MAML3: variants seen among roughly 807,000 people sequenced by gnomAD.
The protein encoded by MAML3 is mastermind-like protein 3.
Under a neutral mutation model 101.9 loss-of-function variants are expected in MAML3, and 27 were observed. The observed-to-expected ratio is 0.27, with a 90% CI of 0.20 to 0.37. The LOEUF (loss-of-function observed/expected upper bound fraction) is 0.37, where lower values mean the gene tolerates loss of function less well. Ranked by LOEUF, MAML3 falls within the 10% of genes least tolerant of loss-of-function variation. MAML3 has a pLI of 1.00. For synonymous variants in MAML3, 501 were observed against 555.9 expected, an observed-to-expected ratio of 0.90 and a Z score of 1.39; for missense variants, 1,316 against 1,444.9, an observed-to-expected ratio of 0.91 and a Z score of 1.45.
rs1035607851 is a variant in MAML3 at position 139,785,103 on chromosome 4, C to A, written c.2080-54436G>T. On this transcript the variant is annotated intron_variant, in intron 2 of 4. Transcript: ENST00000509479. The surrounding 1 kb of genome is among the most constrained non-coding windows in gnomAD (Gnocchi z 4.3). ...CTTACATTTGTACAAAAGAAGAAGG[C>A]GGCTAGCTTGGACACAAACACTCAT... Among the ~76,000 whole-genome samples, 1 of 152,122 alleles carries A rather than the reference C, an allele frequency of 6.6e-6. No homozygotes were observed. The highest frequency in any genetic ancestry group is 1.9e-4 in the East Asian group (1 of 5,194).
intron 2 of MAML3, among the ~76,000 whole-genome samples, chr4:139,758,186 A>G (rs1729689885): frequency 6.6e-6 from 1 of 152,134 alleles, no homozygotes; most frequent in South Asian, 2.1e-4. Context: ...CTGACCCTCC[A>G]CAGGTCAACT....
intron 1 of MAML3, among the ~76,000 whole-genome samples, chr4:140,148,470 A>C (rs1368078400): frequency 6.6e-6 from 1 of 152,252 alleles, no homozygotes; most frequent in African/African-American, 2.4e-5. Context: ...AATTTCAAAA[A>C]GTTTTCCACA....
At chr4:139,782,085 C>T (rs1730227196) in intron 2 of MAML3, among the ~76,000 whole-genome samples, 1 of 152,058 alleles carries the variant, frequency 6.6e-6, no homozygotes, top group African/African-American at 2.4e-5. Flanking sequence ...GATTTATATG[C>T]CCATCCCGTA....
intron 2 of MAML3, among the ~76,000 whole-genome samples, chr4:139,747,416 G>A (rs866954393): frequency 3.9e-5 from 6 of 152,294 alleles, no homozygotes; most frequent in East Asian, 1.9e-4. Flanking sequence ...CTTGTAGGTC[G>A]GGCACAGTGG....
chr4:139,890,923 T>C lies in MAML3; in HGVS notation c.513A>G (p.Pro171=), dbSNP rs370448750. The change falls in exon 2 of 5, where the codon CCA becomes CCG. Residue 171 remains proline (P), a synonymous_variant. Transcript: ENST00000509479. The surrounding 1 kb of genome is among the most constrained non-coding windows in gnomAD (Gnocchi z 4.1). ...CACCATTCTGCTGGTCTCCATTAAGTGGTGATCGAGCTCCTTCCAACTTCC... is the reference window on the plus strand; with the variant it reads ...CACCATTCTGCTGGTCTCCATTAAGCGGTGATCGAGCTCCTTCCAACTTCC... ...VKRKLEGARS[P]LNGDQQNGAC... 3.9e-4 allele frequency: 633 copies of C among 1,613,478 alleles called. No individual in the cohort carries two copies. Among genetic ancestry groups the C allele is most frequent in the South Asian group, 1.9e-3 (174 of 90,976 alleles).
intron 1 of MAML3, among the ~76,000 whole-genome samples, chr4:140,087,700 T>C (rs930771124): frequency 6.6e-6 from 1 of 152,198 alleles, no homozygotes; most frequent in Non-Finnish European, 1.5e-5. Flanking sequence ...TTTCAGCTCC[T>C]AATGAGGGTG....
chr4:139,780,667 G>GTCACC (rs1730184262), intron 2 of MAML3, among the ~76,000 whole-genome samples: 1 of 137,468 alleles, frequency 7.3e-6, no homozygotes, highest in Admixed American at 8.0e-5. Flanking sequence ...CTCTTGCTCT[G>GTCACC]TCACCCAGGC....
At chr4:139,733,885 C>A (rs1728823436) in intron 2 of MAML3, among the ~76,000 whole-genome samples, 1 of 152,158 alleles carries the variant, frequency 6.6e-6, no homozygotes, top group African/African-American at 2.4e-5. Flanking sequence ...TGGGTTGTTG[C>A]CCATCTGTGT....
intron 1 of MAML3, among the ~76,000 whole-genome samples, chr4:140,096,366 T>C (rs548836643): frequency 2.6e-5 from 4 of 152,284 alleles, no homozygotes; most frequent in African/African-American, 7.2e-5. Context: ...CTCATTTATC[T>C]TGAAACCTTA....
At position 139,730,481 on chromosome 4, in the gene MAML3, G is replaced by T. The variant is rs913915195; in HGVS notation, c.2266C>A (p.Gln756Lys). The T allele has an allele frequency of 6.4e-6, 10 of 1,553,190 alleles. No individual in the cohort carries two copies. The highest frequency in any genetic ancestry group is 8.7e-6 in the Non-Finnish European group (10 of 1,147,848). Reference protein sequence around the residue: ...QRAQLIEQQKQQFLREQRQQQ... With the variant: ...QRAQLIEQQKKQFLREQRQQQ... ...TGCCTTTGCTCCCGCAGGAACTGTT[G>T]CTTCTGCTGCTCTATCAACTGGGCC... The change falls in exon 3 of 5, where the codon CAA becomes AAA. Residue 756 changes from glutamine (Q) to lysine (K), a missense_variant. Gln to Lys is a moderately conservative substitution (Grantham distance 53). Coordinates refer to ENST00000509479, the MANE Select transcript of MAML3 (RefSeq NM_018717.5).
chr4:140,142,471 C>A (rs1578706819), intron 1 of MAML3, among the ~76,000 whole-genome samples: 1 of 152,126 alleles, frequency 6.6e-6, no homozygotes, highest in Non-Finnish European at 1.5e-5. Context: ...AGTCCCTGTC[C>A]CTCTCCAATG....
chr4:139,861,634 C>A (rs1731787878), intron 2 of MAML3, among the ~76,000 whole-genome samples: 1 of 151,984 alleles, frequency 6.6e-6, no homozygotes, highest in Non-Finnish European at 1.5e-5. Flanking sequence ...AAAGGTGGAC[C>A]TTTATTTTGA....
intron 2 of MAML3, among the ~76,000 whole-genome samples, chr4:139,830,483 C>T (rs965032085): frequency 6.3e-5 from 9 of 143,238 alleles, no homozygotes; most frequent in Non-Finnish European, 1.3e-4. Flanking sequence ...GGTGCGATCT[C>T]GGCTCACTGC....
chr4:140,132,174 T>C (rs1728805307), intron 1 of MAML3, among the ~76,000 whole-genome samples: 3 of 152,310 alleles, frequency 2.0e-5, no homozygotes, highest in Middle Eastern at 3.4e-3. Flanking sequence ...AGTTGAAGAA[T>C]ACAGAAAAGG....
chr4:140,127,132 C>T (rs1366262725), intron 1 of MAML3, among the ~76,000 whole-genome samples: 2 of 152,194 alleles, frequency 1.3e-5, no homozygotes, highest in African/African-American at 4.8e-5. Flanking sequence ...GCAGATAAGG[C>T]CCTCCACGTC....
At chr4:139,849,235 A>G (rs1731506574) in intron 2 of MAML3, among the ~76,000 whole-genome samples, 1 of 152,186 alleles carries the variant, frequency 6.6e-6, no homozygotes, top group Non-Finnish European at 1.5e-5. Flanking sequence ...AACCAGACAT[A>G]CTTGAATTGC....
chr4:140,056,644 T>G (rs981562233), intron 1 of MAML3, among the ~76,000 whole-genome samples: 1 of 151,712 alleles, frequency 6.6e-6, no homozygotes, highest in Admixed American at 6.6e-5. Flanking sequence ...CTGTCTCTAC[T>G]AAAAAATACC....
chr4:139,959,544 A>G lies in MAML3; in HGVS notation c.469-68577T>C, dbSNP rs570810069. Reference sequence around the variant, plus strand: ...GGAATTAAAAAACAAACAAACAAACAAAAACTGGCCAGCAGCAGTTTTAAT... The same window carrying G: ...GGAATTAAAAAACAAACAAACAAACGAAAACTGGCCAGCAGCAGTTTTAAT... On this transcript the variant is annotated intron_variant, in intron 1 of 4. Coordinates refer to ENST00000509479, the MANE Select transcript of MAML3 (RefSeq NM_018717.5). Among the ~76,000 whole-genome samples the G allele has an allele frequency of 9.2e-5, 14 of 152,338 alleles. No homozygotes were observed. In the East Asian group the frequency reaches 2.7e-3, roughly 29 times the overall value.
At chr4:140,045,188 A>C (rs1727161712) in intron 1 of MAML3, among the ~76,000 whole-genome samples, 1 of 152,144 alleles carries the variant, frequency 6.6e-6, no homozygotes, top group South Asian at 2.1e-4. Flanking sequence ...TGAGGTCAGG[A>C]GTTTAAGACC....
Sources: allele counts gnomAD v4.1 joint callset (sites outside exome capture counted in the v4.1 genomes callset), GRCh38; gene constraint gnomAD v4.1.1; non-coding constraint Gnocchi (gnomAD v3.1); transcripts MANE v1.5; gene names NCBI Gene and HGNC (gene_info 2026-07-23, HGNC 2026-07-21).